Variants in FCSK observed in about 807,000 individuals in gnomAD.
FCSK encodes L-fucose kinase.
FCSK carries 123 observed loss-of-function variants against 122.5 expected under a neutral mutation model. The ratio of observed to expected loss-of-function variants is 1.00; its 90% confidence interval spans 0.87 to 1.17. The LOEUF (loss-of-function observed/expected upper bound fraction) is 1.17. Among genes scored for constraint, FCSK ranks in the 50% most tolerant of loss-of-function variants. The pLI, the probability that FCSK is intolerant of heterozygous loss-of-function variation, is 0.00. For missense variants in FCSK, 1,366 were observed against 1,450.4 expected, an observed-to-expected ratio of 0.94 and a Z score of 0.95; for synonymous variants, 620 against 625.5, an observed-to-expected ratio of 0.99 and a Z score of 0.13.
intron 6 of FCSK, chr16:70,467,159 A>T (rs550076291): frequency 1.6e-6 from 1 of 636,118 alleles, no homozygotes; most frequent in Non-Finnish European, 2.8e-6. Flanking sequence ...GGACAGAAGC[A>T]GCCCTGCCCC....
intron 3 of FCSK, 52 bp downstream of exon 3, chr16:70,463,826 G>T: frequency 1.3e-6 from 2 of 1,538,768 alleles, no homozygotes; most frequent in Non-Finnish European, 1.8e-6. Flanking sequence ...CTGGAACCAG[G>T]TCATTTCTGA....
At chr16:70,470,868 C>T in intron 11 of FCSK, 103 bp from the exon 12 acceptor site, 2 of 972,788 alleles carry the variant, frequency 2.1e-6, no homozygotes. Flanking sequence ...GGCAGGGGAG[C>T]AGTAGGCCTG....
intron 2 of FCSK, 28 bp from the exon 3 acceptor site, chr16:70,463,595 C>A (rs751019383): frequency 1.9e-6 from 3 of 1,610,236 alleles, no homozygotes; most frequent in South Asian, 2.2e-5. Flanking sequence ...AGCTGGGGGG[C>A]AGGTCCCAGT....
chr16:70,471,672 C>G (rs1036332982), intron 13 of FCSK, among the ~76,000 whole-genome samples: 1 of 152,100 alleles, frequency 6.6e-6, no homozygotes, highest in Non-Finnish European at 1.5e-5. Context: ...AATCTCAGCT[C>G]ACTGCAATCT....
In FCSK at chr16:70,473,204, T is replaced by C. The variant is rs917782468; in HGVS notation, c.1628T>C (p.Leu543Pro). The part of the protein sequence containing the change: ...LQPCLDRAAT[L>P]ASRRDLFFRQ... ...CCGTGCCTGGATCGGGCTGCCACGCTGGCCTCTCGCCGGGACCTGTTCTTC... is the reference window on the plus strand; with the variant it reads ...CCGTGCCTGGATCGGGCTGCCACGCCGGCCTCTCGCCGGGACCTGTTCTTC... The change falls in exon 15 of 24, where the codon CTG becomes CCG. Residue 543 changes from leucine to proline, a missense_variant. Transcript: ENST00000288078. The surrounding 1 kb of genome is among the most constrained non-coding windows in gnomAD (Gnocchi z 4.9). 4 of 1,537,428 alleles carry C rather than the reference T, an allele frequency of 2.6e-6. No individual in the cohort carries two copies. In the Admixed American group the frequency reaches 5.9e-5, roughly 23 times the overall value.
Position 70,463,183 on chromosome 16 carries a change from T to G in FCSK, c.-8T>G, listed in dbSNP as rs8044956. 9,253 of 1,613,300 alleles carry G rather than the reference T, an allele frequency of 5.7e-3. 519 individuals are homozygous for G. The African/African-American group carries it at 0.11, about 19-fold the overall frequency. ...TGCTGTCTCAGGAAGCCCCTCCGCT[T>G]GGCCAGAATGGAGCAGCCGAAGGGA... On this transcript the variant is annotated 5_prime_UTR_variant, in exon 2 of 24. Transcript: ENST00000288078.
Position 70,475,373 on chromosome 16 carries a change from A to G in FCSK, c.2401A>G (p.Ile801Val). ...APGALLKAAFICAGIVHVHSE... is the reference protein window; with the variant it reads ...APGALLKAAFVCAGIVHVHSE... ...AGGGGCCCTGCTGAAGGCGGCCTTC[A>G]TCTGTGCAGGGATCGTGCATGTCCA... Residue 801 changes from isoleucine to valine, a missense_variant, in exon 19 of 24, where the codon ATC becomes GTC. Transcript: ENST00000288078. The G allele has an allele frequency of 6.2e-7, 1 of 1,610,690 alleles. No individual in the cohort carries two copies. The highest frequency in any genetic ancestry group is 8.5e-7 in the Non-Finnish European group (1 of 1,179,864).
chr16:70,456,768 C>G (rs1300357415), intron 1 of FCSK, among the ~76,000 whole-genome samples: 1 of 152,188 alleles, frequency 6.6e-6, no homozygotes, highest in East Asian at 1.9e-4. Context: ...CGCCTGTAAT[C>G]CCAGCACTTT....
At chr16:70,462,795 C>T (rs2048307610) in intron 1 of FCSK, among the ~76,000 whole-genome samples, 1 of 151,630 alleles carries the variant, frequency 6.6e-6, no homozygotes, top group Admixed American at 6.6e-5. Context: ...CAGGCATGCC[C>T]CGCCACACCC....
chr16:70,473,150 C>T lies in FCSK; in HGVS notation c.1574C>T (p.Ser525Phe). 2 of 1,551,586 alleles carry T rather than the reference C, an allele frequency of 1.3e-6. No individual in the cohort carries two copies. Among genetic ancestry groups the T allele is most frequent in the South Asian group, 1.2e-5 (1 of 84,576 alleles). ...GGEALRAWRA[S>F]WRLSWEQLQP... Reference sequence around the variant, plus strand: ...GAGGCCCTGCGAGCCTGGCGGGCCTCCTGGCGCCTGTCCTGGGAGCAGCTG... The same window carrying T: ...GAGGCCCTGCGAGCCTGGCGGGCCTTCTGGCGCCTGTCCTGGGAGCAGCTG... Residue 525 changes from serine to phenylalanine, a missense_variant, in exon 15 of 24, where the codon TCC becomes TTC. Transcript: ENST00000288078. The surrounding 1 kb of genome is among the most constrained non-coding windows in gnomAD (Gnocchi z 4.9).
In FCSK at chr16:70,466,970, C is replaced by T. The variant is rs944905695; in HGVS notation, c.484+16C>T. 4 of 1,610,948 alleles carry T rather than the reference C, an allele frequency of 2.5e-6. No individual in the cohort carries two copies. The highest frequency in any genetic ancestry group is 3.4e-6 in the Non-Finnish European group (4 of 1,177,996). On this transcript the variant is annotated intron_variant, in intron 6 of 23. Transcript: ENST00000288078. ...GCAAATCCTGGTGAGCCTGAGACTACCTGGGACTGCCTTCCTTCGTCACAG... is the reference window on the plus strand; with the variant it reads ...GCAAATCCTGGTGAGCCTGAGACTATCTGGGACTGCCTTCCTTCGTCACAG...
At chr16:70,478,121 G>A (rs1351771469) in intron 20 of FCSK, 151 bp from the exon 21 acceptor site, 1 of 692,446 alleles carries the variant, frequency 1.4e-6, no homozygotes, top group African/African-American at 1.8e-5. Flanking sequence ...TTGTTCTGGG[G>A]ACAGAAGCTG....
chr16:70,468,933 T>A lies in FCSK; in HGVS notation c.748T>A (p.Tyr250Asn). The A allele has an allele frequency of 6.2e-7, 1 of 1,613,848 alleles. No individual in the cohort carries two copies. Among genetic ancestry groups the A allele is most frequent in the Non-Finnish European group, 8.5e-7 (1 of 1,180,006 alleles). ...GAGCCCGCCCCTGGATGCCTGCACC[T>A]ACCTAGGCTTGGACTCCGGAGCCCG... ...HVSPPLDACT[Y>N]LGLDSGARPV... The change falls in exon 9 of 24, where the codon TAC (tyrosine) becomes AAC (asparagine). Residue 250 changes from tyrosine to asparagine, a missense_variant. Physicochemically the swap from Tyr to Asn is moderately radical, Grantham distance 143. Coordinates refer to ENST00000288078, the MANE Select transcript of FCSK (RefSeq NM_145059.3).
At chr16:70,472,364 C>T in intron 13 of FCSK, 177 bp from the exon 14 acceptor site, 1 of 496,340 alleles carries the variant, frequency 2.0e-6, no homozygotes. Context: ...GCCAGGAGTT[C>T]ATACCTGCAG....
chr16:70,478,657 G>A lies in FCSK; in HGVS notation c.2929+7G>A. ...GCTGAAGGCTTCCGCCAAGGTGAGG[G>A]GCTTCCTCTGGGGGGGTCAGGGCAC... On this transcript the variant is annotated splice_region_variant and intron_variant, in intron 22 of 23. Transcript: ENST00000288078. The A allele has an allele frequency of 6.2e-7, 1 of 1,611,838 alleles. No individual in the cohort carries two copies. The highest frequency in any genetic ancestry group is 1.7e-5 in the Admixed American group (1 of 60,000).
chr16:70,455,861 C>G (rs1403069855), intron 1 of FCSK, among the ~76,000 whole-genome samples: 1 of 151,128 alleles, frequency 6.6e-6, no homozygotes, highest in Admixed American at 6.6e-5. Flanking sequence ...CATTGCACTC[C>G]AGCCTGACGA....
Position 70,475,424 on chromosome 16 carries a change from C to T in FCSK, c.2452C>T (p.Leu818=). The change falls in exon 19 of 24, where the codon CTG becomes TTG. Residue 818 remains leucine, a synonymous_variant. Transcript: ENST00000288078. ...VHSELQLSEQ[L]LRTFGGGFEL... ...CTCGGAACTCCAGCTGAGTGAGCAGCTGCTCCGCACCTTCGGGGGCGGCTT... is the reference window on the plus strand; with the variant it reads ...CTCGGAACTCCAGCTGAGTGAGCAGTTGCTCCGCACCTTCGGGGGCGGCTT... 6.2e-7 allele frequency: 1 copy of T among 1,609,012 alleles called. No individual in the cohort carries two copies.
At position 70,474,680 on chromosome 16, in the gene FCSK, G is replaced by C; in HGVS notation, c.2141G>C (p.Arg714Pro). ...TGGGTGGTGGCTGAGTGCCCGGCCC[G>C]TGTGGATTTCTCTGGTGAGCCCCTT... ...GQWVVAECPARVDFSGGWSDT... is the reference protein window; with the variant it reads ...GQWVVAECPAPVDFSGGWSDT... Residue 714 changes from arginine to proline, a missense_variant, in exon 17 of 24, where the codon CGT (arginine) becomes CCT (proline). Physicochemically the swap from Arg to Pro is moderately radical, Grantham distance 103. Transcript: ENST00000288078. The C allele has an allele frequency of 6.2e-7, 1 of 1,600,966 alleles. No homozygotes were observed. The highest frequency in any genetic ancestry group is 8.5e-7 in the Non-Finnish European group (1 of 1,174,358).
Position 70,472,521 on chromosome 16 carries a change from T to G in FCSK, c.1342-20T>G. ...TTCCTGTGGCCCCTGCAGCCCTGAC[T>G]GCTTCTTCCTCTCCCCCAGAGACAG... is the stretch of plus-strand genomic sequence containing the variant. On this transcript the variant is annotated intron_variant, in intron 13 of 23. Transcript: ENST00000288078. The G allele has an allele frequency of 6.2e-7, 1 of 1,607,386 alleles. No homozygotes were observed. The highest frequency in any genetic ancestry group is 2.2e-5 in the East Asian group (1 of 44,748).
Sources: allele counts gnomAD v4.1 joint callset (sites outside exome capture counted in the v4.1 genomes callset), GRCh38; gene constraint gnomAD v4.1.1; non-coding constraint Gnocchi (gnomAD v3.1); transcripts MANE v1.5; gene names NCBI Gene and HGNC (gene_info 2026-07-23, HGNC 2026-07-21).